MGAT5: variants seen among roughly 807,000 people sequenced by gnomAD.
MGAT5 encodes the protein alpha-1,6-mannosylglycoprotein 6-beta-N-acetylglucosaminyltransferase, also known as alpha-1,6-mannosylglycoprotein 6-beta-N-acetylglucosaminyltransferase A.
In MGAT5, 30 loss-of-function variants were observed where a neutral mutation model predicts 94.3. The ratio of observed to expected loss-of-function variants is 0.32; its 90% CI spans 0.24 to 0.43. The LOEUF (loss-of-function observed/expected upper bound fraction) is 0.43. Ranked by LOEUF, MGAT5 falls within the 20% of genes least tolerant of loss-of-function variation. MGAT5 has a pLI of 1.00. For synonymous variants in MGAT5, 310 were observed against 322.9 expected (o/e 0.96, Z 0.43); for missense variants, 691 against 905.5 (o/e 0.76, Z 3.04).
intron 1 of MGAT5, among the ~76,000 whole-genome samples, chr2:134,223,390 A>G (rs1558995849): frequency 6.6e-6 from 1 of 152,240 alleles, no homozygotes; most frequent in Non-Finnish European, 1.5e-5. Context: ...GGGATGCCAA[A>G]TGAGGGAGAT....
rs12611595 is a variant in MGAT5 at position 134,130,529 on chromosome 2, C to G, written c.-143+10238C>G. Among the ~76,000 whole-genome samples, 3,430 of 152,322 alleles carry G rather than the reference C, an allele frequency of 0.023. 307 individuals are homozygous for G. The East Asian group carries it at 0.26, about 12-fold the overall frequency. On this transcript the variant is annotated intron_variant, in intron 1 of 16. Coordinates refer to the MGAT5 transcript ENST00000409645. ...GTCTAGCTGGAGGATTGTGTATGCA[C>G]CAATCAGCACTCTGTGTCTGGCTCC...
At chr2:134,239,949 A>G (rs1380493280) in intron 1 of MGAT5, among the ~76,000 whole-genome samples, 8 of 152,114 alleles carry the variant, frequency 5.3e-5, no homozygotes, top group African/African-American at 1.9e-4. Flanking sequence ...TTTTCTTGCC[A>G]GCCTTCTTGA....
intron 2 of MGAT5, among the ~76,000 whole-genome samples, chr2:134,317,121 C>T (rs984860691): frequency 6.6e-6 from 1 of 152,148 alleles, no homozygotes; most frequent in African/African-American, 2.4e-5. Flanking sequence ...TTCACGAGGT[C>T]TGTTCATGGC....
intron 2 of MGAT5, among the ~76,000 whole-genome samples, chr2:134,302,062 AT>A (rs1252799455): frequency 6.6e-6 from 1 of 152,176 alleles, no homozygotes; most frequent in Non-Finnish European, 1.5e-5. Context: ...AGTATTAAAT[AT>A]TTTTAGCTTT....
chr2:134,366,857 T>A (rs1454143207), intron 10 of MGAT5, among the ~76,000 whole-genome samples: 1 of 152,210 alleles, frequency 6.6e-6, no homozygotes, highest in Non-Finnish European at 1.5e-5. Flanking sequence ...TCTTTTCTAT[T>A]TATCTTTGTC....
chr2:134,155,963 C>T (rs1687457041), intron 1 of MGAT5, among the ~76,000 whole-genome samples: 1 of 152,276 alleles, frequency 6.6e-6, no homozygotes, highest in East Asian at 1.9e-4. Context: ...CTCTCCCCGC[C>T]GTTCTTTTCT....
intron 1 of MGAT5, among the ~76,000 whole-genome samples, chr2:134,238,814 A>G (rs1404856001): frequency 6.6e-6 from 1 of 152,010 alleles, no homozygotes; most frequent in Admixed American, 6.5e-5. Flanking sequence ...ATGGTGGTGC[A>G]TGCCTGTAAT....
At chr2:134,409,379 A>G (rs1446683657) in intron 11 of MGAT5, among the ~76,000 whole-genome samples, 1 of 152,232 alleles carries the variant, frequency 6.6e-6, no homozygotes, top group African/African-American at 2.4e-5. Context: ...GGCCTTAACT[A>G]ATCCATAGAC....
chr2:134,312,992 C>A (rs1170219984), intron 2 of MGAT5, among the ~76,000 whole-genome samples: 2 of 151,884 alleles, frequency 1.3e-5, no homozygotes, highest in African/African-American at 4.8e-5. Flanking sequence ...CCCTGACTCT[C>A]CCCTTTTTCC....
chr2:134,352,982 G>A (rs1431462541), intron 9 of MGAT5, among the ~76,000 whole-genome samples: 5 of 152,150 alleles, frequency 3.3e-5, no homozygotes, highest in Middle Eastern at 3.2e-3. Context: ...GATTCCACTC[G>A]TAAAGTATCT....
At chr2:134,309,028 C>T (rs1335047085) in intron 2 of MGAT5, among the ~76,000 whole-genome samples, 1 of 152,228 alleles carries the variant, frequency 6.6e-6, no homozygotes, top group Non-Finnish European at 1.5e-5. Context: ...AATTCACTCT[C>T]TCTCTAGATT....
chr2:134,216,125 G>T (rs908984573), intron 1 of MGAT5, among the ~76,000 whole-genome samples: 2 of 152,158 alleles, frequency 1.3e-5, no homozygotes, highest in African/African-American at 4.8e-5. Flanking sequence ...TCGGTGTCTT[G>T]TACTGAATTA....
At chr2:134,303,685 T>C (rs1419253259) in intron 2 of MGAT5, among the ~76,000 whole-genome samples, 2 of 152,124 alleles carry the variant, frequency 1.3e-5, no homozygotes, top group Non-Finnish European at 2.9e-5. Flanking sequence ...TATTGGAGCC[T>C]CCCTCACAAA....
intron 14 of MGAT5, among the ~76,000 whole-genome samples, chr2:134,433,655 C>T (rs1685007827): frequency 6.6e-6 from 1 of 152,214 alleles, no homozygotes; most frequent in African/African-American, 2.4e-5. Flanking sequence ...TGGTCGGTTT[C>T]AGCCTGGCAC....
In MGAT5 at chr2:134,278,089, C is replaced by G. The variant is rs181027746; in HGVS notation, c.406+7539C>G. 3.3e-5 allele frequency among the ~76,000 whole-genome samples: 5 copies of G among 152,288 alleles called. No homozygotes were observed. In the East Asian group the frequency reaches 9.7e-4, roughly 29 times the overall value. Reference sequence around the variant, plus strand: ...TCTTTAAGAACCTCAGCTGTGTCCTCTCAGGTATTGGATACTGTCAGAAGC... The same window carrying G: ...TCTTTAAGAACCTCAGCTGTGTCCTGTCAGGTATTGGATACTGTCAGAAGC... On this transcript the variant is annotated intron_variant, in intron 2 of 15. Coordinates refer to ENST00000281923, the MANE Select transcript of MGAT5 (RefSeq NM_002410.5).
At chr2:134,357,131 G>T (rs75880525) in intron 9 of MGAT5, among the ~76,000 whole-genome samples, 2 of 152,296 alleles carry the variant, frequency 1.3e-5, no homozygotes, top group South Asian at 4.1e-4. Flanking sequence ...TTTATTGATA[G>T]AATTAAACTA....
intron 1 of MGAT5, among the ~76,000 whole-genome samples, chr2:134,197,940 T>C (rs1679578421): frequency 6.6e-6 from 1 of 152,144 alleles, no homozygotes; most frequent in South Asian, 2.1e-4. Context: ...TGGCAAAATA[T>C]AATCACTCTG....
At chr2:134,203,526 A>T (rs1010024985) in intron 1 of MGAT5, among the ~76,000 whole-genome samples, 4 of 152,070 alleles carry the variant, frequency 2.6e-5, no homozygotes, top group African/African-American at 9.7e-5. Flanking sequence ...GTGATGGGAC[A>T]TTCTGAAATC....
At chr2:134,120,194 C>T (rs1685497767) in exon 1 of MGAT5, 2 of 253,570 alleles carry the variant, frequency 7.9e-6, no homozygotes, top group Non-Finnish European at 1.5e-5. Flanking sequence ...CCCAGGTAGC[C>T]GCGCCGCAGG....
Sources: gnomAD v4.1 joint callset for allele counts (sites outside exome capture counted in the v4.1 genomes callset) on GRCh38, gnomAD v4.1.1 for gene constraint, MANE v1.5 for transcripts, NCBI Gene and HGNC (gene_info 2026-07-23, HGNC 2026-07-21) for gene names.